PACC1: variants seen among roughly 807,000 people sequenced by gnomAD.
The protein encoded by PACC1 is proton activated chloride channel 1.
Under a neutral mutation model 39.7 loss-of-function variants are expected in PACC1, and 34 were observed. The ratio of observed to expected loss-of-function variants is 0.86; its 90% CI spans 0.65 to 1.14. The LOEUF is 1.14. Among genes scored for constraint, PACC1 ranks in the 50% most tolerant of loss-of-function variants. The pLI, the probability that PACC1 is intolerant of heterozygous loss-of-function variation, is 0.00. For missense variants in PACC1, 379 were observed against 436.4 expected (o/e 0.87, Z 1.17); for synonymous variants, 127 against 160.6 (o/e 0.79, Z 1.58).
In PACC1 at chr1:212,404,283, T is replaced by A. The variant is rs1005337801; in HGVS notation, c.133+6142A>T. Among the ~76,000 whole-genome samples the A allele has an allele frequency of 2.6e-5, 4 of 151,876 alleles. No homozygotes were observed. The East Asian group carries it at 7.7e-4, about 29-fold the overall frequency. On this transcript the variant is annotated intron_variant, in intron 2 of 7. Transcript: ENST00000261455. ...CACCACTCCTGGCTAATTTTTTGTATTTTTAGTAGAGACGGGGTTTCATCG... is the reference window on the plus strand; with the variant it reads ...CACCACTCCTGGCTAATTTTTTGTAATTTTAGTAGAGACGGGGTTTCATCG...
intron 2 of PACC1, 106 bp downstream of exon 2, chr1:212,410,319 A>AC: frequency 2.1e-6 from 2 of 962,252 alleles, no homozygotes. Context: ...GAGACCTGAC[A>AC]CCAGGGTGCA....
chr1:212,372,260 G>A (rs1212750835), intron 7 of PACC1, among the ~76,000 whole-genome samples: 1 of 148,610 alleles, frequency 6.7e-6, no homozygotes, highest in Non-Finnish European at 1.5e-5. Context: ...ACTCCAGGCT[G>A]GGAGACAGAA....
Position 212,412,354 on chromosome 1 carries a change from C to T in PACC1, c.37-1833G>A, listed in dbSNP as rs887236006. On this transcript the variant is annotated intron_variant, in intron 1 of 7. Coordinates refer to ENST00000261455, the MANE Select transcript of PACC1 (RefSeq NM_018252.3). ...TGACCCAGGTGCTAACACCCTCCCA[C>T]CAGGTTCCCTTCCTGACTACCCACA... 2.0e-5 allele frequency among the ~76,000 whole-genome samples: 3 copies of T among 152,286 alleles called. No individual in the cohort carries two copies. The South Asian group carries it at 6.2e-4, about 32-fold the overall frequency.
chr1:212,414,310 T>G (rs1050268866), intron 1 of PACC1, among the ~76,000 whole-genome samples: 13 of 152,132 alleles, frequency 8.5e-5, no homozygotes, highest in Admixed American at 2.0e-4. Flanking sequence ...CGACCGCGCA[T>G]CAGATCTCGC....
chr1:212,410,327 G>A, intron 2 of PACC1, 98 bp downstream of exon 2: 2 of 1,024,034 alleles, frequency 2.0e-6, no homozygotes, highest in Non-Finnish European at 3.1e-6. Flanking sequence ...ACACCAGGGT[G>A]CAGGGAAGGG....
At chr1:212,387,548 C>T (rs1661148562) in intron 2 of PACC1, 1 of 168,514 alleles carries the variant, frequency 5.9e-6, no homozygotes, top group Admixed American at 5.7e-5. Context: ...CTAGCTCCAC[C>T]TCTACTCATC....
At chr1:212,381,699 AC>A (rs1660895116) in intron 4 of PACC1, among the ~76,000 whole-genome samples, 1 of 61,272 alleles carries the variant, frequency 1.6e-5, no homozygotes, top group Non-Finnish European at 3.4e-5. Context: ...CACACTGCAC[AC>A]ACACACACAC....
intron 7 of PACC1, among the ~76,000 whole-genome samples, chr1:212,368,037 T>G (rs1018796657): frequency 2.0e-5 from 3 of 152,000 alleles, no homozygotes; most frequent in African/African-American, 7.2e-5. Context: ...GCAGAGAGAC[T>G]CCTTCCCCTT....
rs376288022 is a variant in PACC1 at position 212,372,651 on chromosome 1, T to C, written c.891+2542A>G. On this transcript the variant is annotated intron_variant, in intron 7 of 7. Transcript: ENST00000261455. ...TGATAAATTCAGTAAAGTCACAGGA[T>C]ACAAAATCAACACACCCAAATCAGG... Among the ~76,000 whole-genome samples the C allele has an allele frequency of 1.6e-3, 240 of 152,254 alleles. 3 individuals carry two copies. The South Asian group carries it at 0.025, about 16-fold the overall frequency.
chr1:212,379,235 A>G (rs577433507), intron 5 of PACC1, among the ~76,000 whole-genome samples: 18 of 152,128 alleles, frequency 1.2e-4, no homozygotes, highest in South Asian at 2.1e-4. Flanking sequence ...GAGCCACCAC[A>G]CCTGGCCATG....
chr1:212,410,188 A>G, intron 2 of PACC1: 3 of 502,708 alleles, frequency 6.0e-6, no homozygotes, highest in South Asian at 2.3e-5. Context: ...TTGCCATTGT[A>G]TGCAATGACC....
At position 212,375,181 on chromosome 1, in the gene PACC1, T is replaced by C. The variant is rs753784754; in HGVS notation, c.891+12A>G. ...AATCTTAAATAATACTATCATAATC[T>C]TAAATACTCACATCTTGGACTTTCT... On this transcript the variant is annotated intron_variant, in intron 7 of 7. Coordinates refer to ENST00000261455, the MANE Select transcript of PACC1 (RefSeq NM_018252.3). 3.8e-6 allele frequency: 6 copies of C among 1,571,118 alleles called. No individual in the cohort carries two copies. The highest frequency in any genetic ancestry group is 5.3e-6 in the Non-Finnish European group (6 of 1,141,432).
intron 2 of PACC1, among the ~76,000 whole-genome samples, chr1:212,407,849 C>T (rs57647430): frequency 2.6e-5 from 4 of 151,972 alleles, no homozygotes; most frequent in Middle Eastern, 3.2e-3. Flanking sequence ...CTGAAGTGGG[C>T]GGATCACCTG....
chr1:212,402,776 T>C (rs1661763640), intron 2 of PACC1, among the ~76,000 whole-genome samples: 1 of 152,160 alleles, frequency 6.6e-6, no homozygotes, highest in Non-Finnish European at 1.5e-5. Context: ...TGCCTCAGCC[T>C]TCTGAGTAGC....
Position 212,370,393 on chromosome 1 carries a change from C to T in PACC1, c.891+4800G>A, listed in dbSNP as rs547574227. On this transcript the variant is annotated intron_variant, in intron 7 of 7. Transcript: ENST00000261455. ...CTGAGGCAGGAGAATGGCGTGAACC[C>T]GGGAGGCAGAGCTTGCAGTGAGCCG... Among the ~76,000 whole-genome samples the T allele has an allele frequency of 8.5e-5, 13 of 152,296 alleles. No homozygotes were observed. In the East Asian group the frequency reaches 2.5e-3, roughly 29 times the overall value.
chr1:212,374,008 G>T (rs1409172446), intron 7 of PACC1, among the ~76,000 whole-genome samples: 1 of 150,476 alleles, frequency 6.6e-6, no homozygotes, highest in Non-Finnish European at 1.5e-5. Context: ...CAATCTCATT[G>T]CTGGGTGCAT....
chr1:212,378,988 G>A (rs908107113), intron 5 of PACC1, among the ~76,000 whole-genome samples: 3 of 150,150 alleles, frequency 2.0e-5, no homozygotes, highest in African/African-American at 7.3e-5. Context: ...CTGTTGCCCA[G>A]GCTGGAGTGC....
chr1:212,372,828 T>G (rs887268137), intron 7 of PACC1, among the ~76,000 whole-genome samples: 16 of 152,040 alleles, frequency 1.1e-4, no homozygotes, highest in Admixed American at 3.3e-4. Flanking sequence ...ATCGCTATAA[T>G]GAAAACTGTA....
At chr1:212,414,200 T>G in intron 1 of PACC1, 6 of 1,144,482 alleles carry the variant, frequency 5.2e-6, no homozygotes, top group Non-Finnish European at 5.9e-6. Flanking sequence ...AAGGCACTTT[T>G]TCAAAGTTAG....
Sources: allele counts gnomAD v4.1 joint callset (sites outside exome capture counted in the v4.1 genomes callset), GRCh38; gene constraint gnomAD v4.1.1; transcripts MANE v1.5; gene names NCBI Gene and HGNC (gene_info 2026-07-23, HGNC 2026-07-21).